Variants in CCDC57 observed in about 807,000 individuals in gnomAD.
CCDC57 encodes the protein coiled-coil domain-containing protein 57.
CCDC57 carries 118 observed loss-of-function variants against 118.9 expected under a neutral mutation model. The observed-to-expected ratio is 0.99, with a 90% CI of 0.86 to 1.16. The LOEUF (loss-of-function observed/expected upper bound fraction) is 1.16. CCDC57 is among the 50% of genes most tolerant of loss of function. CCDC57 has a pLI of 0.00. For synonymous variants in CCDC57, 527 were observed against 532.9 expected, an observed-to-expected ratio of 0.99 and a Z score of 0.15; for missense variants, 1,300 against 1,320.7, an observed-to-expected ratio of 0.98 and a Z score of 0.24.
Position 82,115,792 on chromosome 17 carries a change from CTTTTT to C in CCDC57, c.2899+11895_2899+11899del, listed in dbSNP as rs35213711. Among the ~76,000 whole-genome samples the C allele has an allele frequency of 9.1e-5, 6 of 65,664 alleles. 1 individual carries two copies. The highest frequency in any genetic ancestry group is 3.3e-4 in the African/African-American group (5 of 14,990). The allele number at this position is 65,664 out of a possible 152,430, so 43.1% of individuals were successfully genotyped here. On this transcript the variant is annotated intron_variant, in intron 19 of 19. Coordinates refer to ENST00000665763, the Ensembl canonical transcript of CCDC57. The stretch of plus-strand genomic sequence containing the variant: ...CAAAAATACAAAAAATTTATGCAAC[CTTTTT>C]TTTTTTTTTTTTTTTTTTGAGATGG...
chr17:82,188,535 C>A, intron 7 of CCDC57, 116 bp from the exon 7 acceptor site: 1 of 1,096,466 alleles, frequency 9.1e-7, no homozygotes. Context: ...GTATGTCTGC[C>A]TCAAGGCTTC....
chr17:82,202,635 A>G (rs1194104596), intron 2 of CCDC57, among the ~76,000 whole-genome samples: 2 of 152,128 alleles, frequency 1.3e-5, no homozygotes, highest in Non-Finnish European at 2.9e-5. Context: ...CTGTGATCTC[A>G]GCTACTCGGG....
At chr17:82,161,480 A>G (rs141839882) in intron 14 of CCDC57, among the ~76,000 whole-genome samples, 1 of 152,206 alleles carries the variant, frequency 6.6e-6, no homozygotes, top group Non-Finnish European at 1.5e-5. Context: ...CATTATGCAC[A>G]ATCCAAACAG....
At chr17:82,134,755 C>G (rs573153104) in intron 16 of CCDC57, among the ~76,000 whole-genome samples, 1 of 152,006 alleles carries the variant, frequency 6.6e-6, no homozygotes, top group East Asian at 1.9e-4. Flanking sequence ...GATCATGCCA[C>G]TGCACTCCAT....
At chr17:82,105,499 C>T (rs1338053036) in intron 19 of CCDC57, among the ~76,000 whole-genome samples, 3 of 152,108 alleles carry the variant, frequency 2.0e-5, no homozygotes, top group African/African-American at 7.2e-5. Flanking sequence ...CCAGAAGCTG[C>T]GTGCACCTTT....
chr17:82,161,440 C>T (rs1256062375), intron 14 of CCDC57, among the ~76,000 whole-genome samples: 2 of 152,170 alleles, frequency 1.3e-5, no homozygotes, highest in South Asian at 2.1e-4. Context: ...TAAGTCCACA[C>T]AGGAACTTAC....
At chr17:82,181,749 C>G (rs2046233640) in intron 9 of CCDC57, among the ~76,000 whole-genome samples, 1 of 152,200 alleles carries the variant, frequency 6.6e-6, no homozygotes, top group African/African-American at 2.4e-5. Flanking sequence ...ATAAAAAAGT[C>G]TAAATATTGT....
intron 13 of CCDC57, among the ~76,000 whole-genome samples, chr17:82,167,729 C>T (rs2044176068): frequency 2.0e-5 from 3 of 152,268 alleles, no homozygotes; most frequent in Non-Finnish European, 2.9e-5. Flanking sequence ...GATCCACCCA[C>T]CTCGGCCTCC....
At chr17:82,204,392 C>A (rs1360419942) in intron 2 of CCDC57, among the ~76,000 whole-genome samples, 1 of 152,208 alleles carries the variant, frequency 6.6e-6, no homozygotes, top group East Asian at 1.9e-4. Context: ...CACCTTGTGC[C>A]CACACCTCGG....
Position 82,101,806 on chromosome 17 carries a change from G to A in CCDC57, c.2960C>T (p.Thr987Ile), listed in dbSNP as rs753414235. The A allele has an allele frequency of 2.4e-5, 38 of 1,603,920 alleles. No homozygotes were observed. In the South Asian group the frequency reaches 4.2e-4, roughly 18 times the overall value. Residue 987 changes from threonine (T) to isoleucine (I), a missense_variant, in exon 20 of 20, where the codon ACC (threonine) becomes ATC (isoleucine). Coordinates refer to ENST00000665763, the Ensembl canonical transcript of CCDC57. ...CTGGGCTGCTGTCTTCATCCCTGGG[G>A]TGGCAATGCCTGCCTGCATCTTGAC...
At chr17:82,128,456 C>A (rs766580791) in intron 18 of CCDC57, 37 bp downstream of exon 17, 2 of 1,459,590 alleles carry the variant, frequency 1.4e-6, no homozygotes, top group Non-Finnish European at 1.9e-6. Context: ...GGCCACACCC[C>A]ACACAGCTGC....
At chr17:82,190,201 A>C (rs1466880147) in intron 7 of CCDC57, among the ~76,000 whole-genome samples, 1 of 152,196 alleles carries the variant, frequency 6.6e-6, no homozygotes, top group Non-Finnish European at 1.5e-5. Context: ...CCCAGCATAG[A>C]GTGACTTCTC....
chr17:82,157,884 A>C (rs2042865167), exon 15 of CCDC57: 1 of 1,574,756 alleles, frequency 6.4e-7, no homozygotes, highest in African/African-American at 1.4e-5. Context: ...CTCCAGGTGT[A>C]CCTGGTCCAC....
At chr17:82,119,412 A>C (rs1185583906) in intron 19 of CCDC57, among the ~76,000 whole-genome samples, 2 of 151,842 alleles carry the variant, frequency 1.3e-5, no homozygotes, top group African/African-American at 4.8e-5. Context: ...ATCAAGGATC[A>C]TGCCCCTGCA....
At chr17:82,188,381 G>C in exon 8 of CCDC57, 1 of 1,611,706 alleles carries the variant, frequency 6.2e-7, no homozygotes, top group Non-Finnish European at 8.5e-7. Context: ...CACCAGCACT[G>C]CATCCTTCTC....
At chr17:82,201,588 C>G in exon 3 of CCDC57, 7 of 1,612,700 alleles carry the variant, frequency 4.3e-6, no homozygotes, top group Non-Finnish European at 5.9e-6. Flanking sequence ...CCAGCTGCTG[C>G]TGCTGCTGCA....
intron 7 of CCDC57, 106 bp from the exon 7 acceptor site, chr17:82,188,525 GTA>G (rs2047262492): frequency 8.5e-7 from 1 of 1,172,918 alleles, no homozygotes; most frequent in Non-Finnish European, 1.2e-6. Context: ...AGGTGCTGCT[GTA>G]TGTCTGCCTC....
intron 11 of CCDC57, among the ~76,000 whole-genome samples, chr17:82,176,967 C>T (rs986968168): frequency 1.2e-4 from 19 of 152,186 alleles, no homozygotes; most frequent in Non-Finnish European, 2.1e-4. Context: ...GCAACCAGGC[C>T]GGGCATGGTG....
intron 16 of CCDC57, among the ~76,000 whole-genome samples, chr17:82,148,115 TTGGATGGTTAGA>T (rs1257987471): frequency 2.1e-5 from 2 of 94,658 alleles, no homozygotes; most frequent in African/African-American, 4.3e-5. Flanking sequence ...GGATAAGTGG[TTGGATGGTTAGA>T]TGGATGGATG....
Sources: allele counts gnomAD v4.1 joint callset (sites outside exome capture counted in the v4.1 genomes callset), GRCh38; gene constraint gnomAD v4.1.1; transcripts MANE v1.5; gene names NCBI Gene and HGNC (gene_info 2026-07-23, HGNC 2026-07-21).